The following PKHD1L1 variants were observed in gnomAD, a reference collection of about 807,000 sequenced individuals.
PKHD1L1 encodes fibrocystin-L.
A neutral mutation model predicts 462.9 loss-of-function variants in PKHD1L1; 434 were observed. That is an observed-to-expected ratio of 0.94 (90% CI 0.87 to 1.02). The LOEUF is 1.02. Among genes scored for constraint, PKHD1L1 ranks in the 50% least tolerant of loss-of-function variants. The pLI is 0.00. For missense variants in PKHD1L1, 5,202 were observed against 5,096.1 expected (o/e 1.02, Z -0.63); for synonymous variants, 1,781 against 1,750.0 (o/e 1.02, Z -0.44).
rs750665665 is a variant in PKHD1L1, at chr8:109,385,605, A to T, written c.544A>T (p.Asn182Tyr). Residue 182 changes from asparagine to tyrosine, a missense_variant, in exon 6 of 78, where the codon AAT becomes TAT. This residue lies in a region of PKHD1L1 where 4,497 missense variants were observed against 4,336.8 expected (regional missense o/e 1.04). Transcript: ENST00000378402. ...TGGAAGTAATATTGCACTAAGCTCA[A>T]ATGGGAAAAATGTTAGGATTTTGAG... Reference protein sequence around the residue: ...VYGSNIALSSNGKNVRILRVY... With the variant: ...VYGSNIALSSYGKNVRILRVY... 11 of 1,597,460 alleles carry T rather than the reference A, an allele frequency of 6.9e-6. No individual in the cohort carries two copies. The highest frequency in any genetic ancestry group is 9.4e-6 in the Non-Finnish European group (11 of 1,167,388).
chr8:109,401,556 A>G lies in PKHD1L1; in HGVS notation c.1341A>G (p.Arg447=). The G allele has an allele frequency of 6.3e-7, 1 of 1,589,360 alleles. No individual in the cohort carries two copies. Among genetic ancestry groups the G allele is most frequent in the East Asian group, 2.2e-5 (1 of 44,484 alleles). The stretch of plus-strand genomic sequence containing the variant: ...GTTATTTTTCCAGTCCAACACAAAG[A>G]TCAGATGATATTCATCTGCAGAAAG... ...ANSYFSSPTQ[R]SDDIHLQKGK... Residue 447 remains arginine (R), a synonymous_variant, in exon 14 of 78, where the codon AGA becomes AGG. Coordinates refer to ENST00000378402, the MANE Select transcript of PKHD1L1 (RefSeq NM_177531.6).
In PKHD1L1 at chr8:109,440,774, T is replaced by G; in HGVS notation, c.4021T>G (p.Ser1341Ala). 1 of 1,613,162 alleles carries G rather than the reference T, an allele frequency of 6.2e-7. No individual in the cohort carries two copies. Among genetic ancestry groups the G allele is most frequent in the Non-Finnish European group, 8.5e-7 (1 of 1,179,304 alleles). Residue 1341 changes from serine (S) to alanine (A), a missense_variant, in exon 33 of 78, where the codon TCC (serine) becomes GCC (alanine). Transcript: ENST00000378402. ...GACCAGCATGTTTCCACAAAGAGGC[T>G]CCTTGTTTGGTGGAACTGAAATCAC... ...EVTSMFPQRG[S>A]LFGGTEITIR... is the part of the protein sequence containing the mutation.
At chr8:109,428,354 G>A (rs547270134) in intron 25 of PKHD1L1, among the ~76,000 whole-genome samples, 2 of 152,276 alleles carry the variant, frequency 1.3e-5, no homozygotes, top group Admixed American at 1.3e-4. Flanking sequence ...ATGCAGCCAT[G>A]TGTAGACCCA....
At position 109,510,772 on chromosome 8, in the gene PKHD1L1, T is replaced by C; in HGVS notation, c.11396-5T>C. 6.2e-7 allele frequency: 1 copy of C among 1,611,826 alleles called. No homozygotes were observed. The highest frequency in any genetic ancestry group is 8.5e-7 in the Non-Finnish European group (1 of 1,178,844). On this transcript the variant is annotated splice_polypyrimidine_tract_variant and splice_region_variant and intron_variant, in intron 70 of 77. Coordinates refer to ENST00000378402, the MANE Select transcript of PKHD1L1 (RefSeq NM_177531.6). ...AGTATGCACTTTCATTTTGCATGGA[T>C]TTAGGCCCACAGGATCATGGCTGGT...
At position 109,479,614 on chromosome 8, in the gene PKHD1L1, AG is replaced by A. The variant is rs1818171382; in HGVS notation, c.9157del (p.Ala3053GlnfsTer3). 1 of 1,523,888 alleles carries A rather than the reference AG, an allele frequency of 6.6e-7. No individual in the cohort carries two copies. Among genetic ancestry groups the A allele is most frequent in the Non-Finnish European group, 9.0e-7 (1 of 1,108,054 alleles). The allele number at this position is 1,523,888 out of a possible 1,614,324, so 94.4% of individuals were successfully genotyped here. ...RENNYTVPHPGANVIIPEGTW... is the reference protein window; with the variant it reads ...RENNYTVPHPXANVIIPEGTW... Reference sequence around the variant, plus strand: ...AAAATAATTATACTGTACCTCACCCAGGGGCAAATGTGATTATACCTGAAGG... The same window carrying A: ...AAAATAATTATACTGTACCTCACCCAGGGCAAATGTGATTATACCTGAAGG... On this transcript the variant is annotated frameshift_variant, in exon 54 of 78. Coordinates refer to ENST00000378402, the MANE Select transcript of PKHD1L1 (RefSeq NM_177531.6). LOFTEE classifies it high-confidence loss of function.
At chr8:109,371,406 C>T (rs1350034789) in intron 2 of PKHD1L1, among the ~76,000 whole-genome samples, 1 of 150,946 alleles carries the variant, frequency 6.6e-6, no homozygotes, top group Non-Finnish European at 1.5e-5. Context: ...GGATATTAGC[C>T]CTTTGTCAGA....
intron 70 of PKHD1L1, among the ~76,000 whole-genome samples, chr8:109,508,795 C>T (rs73313185): frequency 0.013 from 1,950 of 152,178 alleles, 46 homozygotes; most frequent in African/African-American, 0.044. Flanking sequence ...GCTGGTCAAG[C>T]TCTAGCATCA....
chr8:109,435,135 T>C lies in PKHD1L1; in HGVS notation c.3341-55T>C, dbSNP rs1415364991. On this transcript the variant is annotated intron_variant, in intron 28 of 77. Coordinates refer to ENST00000378402, the MANE Select transcript of PKHD1L1 (RefSeq NM_177531.6). ...TTAGTATTTGCAAGCATAACTTTTA[T>C]CTCATAAAACCATTTGATTTACCAT... is the stretch of plus-strand genomic sequence containing the variant. The C allele has an allele frequency of 4.4e-6, 7 of 1,576,858 alleles. No individual in the cohort carries two copies. In the Admixed American group the frequency reaches 7.0e-5, roughly 16 times the overall value.
chr8:109,416,742 G>T (rs1441761954), intron 21 of PKHD1L1, among the ~76,000 whole-genome samples: 1 of 152,166 alleles, frequency 6.6e-6, no homozygotes, highest in Non-Finnish European at 1.5e-5. Context: ...CCCTGCCTCT[G>T]TTAGGTGGCA....
intron 63 of PKHD1L1, among the ~76,000 whole-genome samples, chr8:109,496,541 A>G (rs1226226196): frequency 1.3e-5 from 2 of 152,240 alleles, no homozygotes; most frequent in African/African-American, 4.8e-5. Flanking sequence ...AACTTTTGCA[A>G]ATAAGTATAC....
chr8:109,509,427 A>G (rs564362006), intron 70 of PKHD1L1, among the ~76,000 whole-genome samples: 10 of 151,964 alleles, frequency 6.6e-5, no homozygotes, highest in African/African-American at 2.2e-4. Context: ...CAATGACAAG[A>G]CATATTTCTT....
intron 50 of PKHD1L1, among the ~76,000 whole-genome samples, chr8:109,471,327 A>G (rs766089846): frequency 3.9e-5 from 6 of 152,182 alleles, no homozygotes; most frequent in Non-Finnish European, 7.3e-5. Flanking sequence ...ACAAAAATAA[A>G]GACTAGAGCA....
At chr8:109,410,791 C>T (rs189020493) in intron 19 of PKHD1L1, among the ~76,000 whole-genome samples, 5 of 128,686 alleles carry the variant, frequency 3.9e-5, no homozygotes, top group Admixed American at 2.7e-4. Context: ...TGCAGTGGCA[C>T]GATCTTGGCT....
At chr8:109,387,653 T>C (rs1315430548) in intron 6 of PKHD1L1, among the ~76,000 whole-genome samples, 1 of 152,192 alleles carries the variant, frequency 6.6e-6, no homozygotes, top group African/African-American at 2.4e-5. Flanking sequence ...TGAATGTGTA[T>C]AATGGGTACA....
At chr8:109,385,763 A>G (rs981146319) in intron 6 of PKHD1L1, 133 bp downstream of exon 6, 8 of 545,062 alleles carry the variant, frequency 1.5e-5, no homozygotes, top group South Asian at 7.4e-5. Context: ...TTTCAGCCAT[A>G]TTATAGAAAG....
At chr8:109,477,539 C>A in intron 53 of PKHD1L1, 143 bp downstream of exon 53, 1 of 758,392 alleles carries the variant, frequency 1.3e-6, no homozygotes, top group Non-Finnish European at 1.9e-6. Context: ...CACTGCTTTG[C>A]TTGAGCCTTA....
chr8:109,476,066 C>T (rs1439850755), intron 51 of PKHD1L1, among the ~76,000 whole-genome samples: 2 of 152,010 alleles, frequency 1.3e-5, no homozygotes, highest in Non-Finnish European at 2.9e-5. Flanking sequence ...TTATACTACA[C>T]ATTTGTGCAG....
intron 50 of PKHD1L1, among the ~76,000 whole-genome samples, chr8:109,467,116 G>A (rs1267940147): frequency 1.3e-5 from 2 of 151,994 alleles, no homozygotes; most frequent in Admixed American, 1.3e-4. Flanking sequence ...ATGGGATGGG[G>A]GAGCATTTAC....
At chr8:109,474,984 ACTAAACCAATATTTG>A in intron 50 of PKHD1L1, 119 bp from the exon 51 acceptor site, 2 of 672,398 alleles carry the variant, frequency 3.0e-6, no homozygotes, top group African/African-American at 3.7e-5. Flanking sequence ...ACTGTCATAG[ACTAAACCAATATTTG>A]CTAAACCAAC....
Sources: allele counts gnomAD v4.1 joint callset (sites outside exome capture counted in the v4.1 genomes callset), GRCh38; gene constraint gnomAD v4.1.1; regional missense constraint gnomAD v4.1.1; transcripts MANE v1.5; gene names NCBI Gene and HGNC (gene_info 2026-07-23, HGNC 2026-07-21).